Variants in AGR3 observed in about 807,000 individuals in gnomAD.
The protein encoded by AGR3 is anterior gradient protein 3.
AGR3 carries 37 observed loss-of-function variants against 24.5 expected under a neutral mutation model. The ratio of observed to expected loss-of-function variants is 1.51; its 90% CI spans 1.16 to 1.99. AGR3 has a LOEUF of 1.99. Among genes scored for constraint, AGR3 ranks in the 30% most tolerant of loss-of-function variants. AGR3 has a pLI of 0.00. For missense variants in AGR3, 228 were observed against 191.1 expected, an observed-to-expected ratio of 1.19 and a Z score of -1.14; for synonymous variants, 75 against 61.6, an observed-to-expected ratio of 1.22 and a Z score of -1.02.
chr7:16,858,668 C>T (rs1037895718), downstream of AGR3, among the ~76,000 whole-genome samples: 2 of 151,916 alleles, frequency 1.3e-5, no homozygotes, highest in African/African-American at 2.4e-5. Context: ...GTCAGGAGTT[C>T]GAGACCAGCC....
At chr7:16,860,830 G>A (rs1330857158) in intron 6 of AGR3, among the ~76,000 whole-genome samples, 1 of 152,056 alleles carries the variant, frequency 6.6e-6, no homozygotes, top group Non-Finnish European at 1.5e-5. Context: ...AGTTCCTATT[G>A]TCTATTTTTC....
intron 3 of AGR3, among the ~76,000 whole-genome samples, chr7:16,869,797 T>C (rs1781830983): frequency 6.6e-6 from 1 of 151,700 alleles, no homozygotes; most frequent in South Asian, 2.1e-4. Flanking sequence ...TTCTATACTT[T>C]TATTATATTT....
chr7:16,859,278 G>T, downstream of AGR3: 1 of 199,648 alleles, frequency 5.0e-6, no homozygotes, highest in Non-Finnish European at 9.9e-6. Flanking sequence ...ATTAGTTGAT[G>T]GAGTGAAGGA....
intron 3 of AGR3, among the ~76,000 whole-genome samples, chr7:16,871,915 A>G (rs918876004): frequency 6.6e-5 from 10 of 152,196 alleles, no homozygotes; most frequent in African/African-American, 2.4e-4. Flanking sequence ...AAAGATCCCT[A>G]CAAGAAAAAC....
At position 16,873,773 on chromosome 7, in the gene AGR3, A is replaced by G. The variant is rs2115312754; in HGVS notation, c.173+7T>C. The G allele has an allele frequency of 4.4e-6, 7 of 1,602,270 alleles. No homozygotes were observed. Among genetic ancestry groups the G allele is most frequent in the Non-Finnish European group, 6.0e-6 (7 of 1,169,570 alleles). On this transcript the variant is annotated splice_region_variant and intron_variant, in intron 3 of 7. Coordinates refer to ENST00000310398, the MANE Select transcript of AGR3 (RefSeq NM_176813.5). ...AAAGGAAAAAAATGAGCTGAGAAGC[A>G]TGTTACCTTTTTTGAGCATAAAAGA...
Position 16,862,008 on chromosome 7 carries a change from A to G in AGR3, c.279T>C (p.Asn93=). Residue 93 remains asparagine (N), a synonymous_variant, in exon 5 of 8, where the codon AAT becomes AAC. Coordinates refer to ENST00000310398, the MANE Select transcript of AGR3 (RefSeq NM_176813.5). The stretch of plus-strand genomic sequence containing the variant: ...CCATAAGGTTTAGCATGATGAACTT[A>G]TTCTGAGCCATTTCTTGTATTTCTT... ...QNEEIQEMAQ[N]KFIMLNLMHE... 1.2e-6 allele frequency: 2 copies of G among 1,613,278 alleles called. No homozygotes were observed. Among genetic ancestry groups the G allele is most frequent in the Non-Finnish European group, 1.7e-6 (2 of 1,179,502 alleles).
downstream of AGR3, chr7:16,859,264 T>A (rs533694179): frequency 1.1e-5 from 2 of 180,418 alleles, no homozygotes; most frequent in Non-Finnish European, 2.3e-5. Flanking sequence ...AAAAATAAAA[T>A]TAGATTAGTT....
rs759376959 is a variant in AGR3 at position 16,860,500 on chromosome 7, A to G, written c.451T>C (p.Leu151=). The change falls in exon 7 of 8, where the codon TTG becomes CTG. Residue 151 remains leucine (L), a splice_region_variant and synonymous_variant. Transcript: ENST00000310398. ...TTTGAGATCATTTGTGAATACTTAC[A>G]TAGGGGTAAATCCCGAGGCTCATAT... ...YTYEPRDLPL[L]IENMKKALRL... is the part of the protein sequence containing the mutation. The G allele has an allele frequency of 5.0e-6, 8 of 1,608,692 alleles. No individual in the cohort carries two copies. The highest frequency in any genetic ancestry group is 3.3e-5 in the South Asian group (3 of 90,960).
At position 16,861,738 on chromosome 7, in the gene AGR3, T is replaced by A. The variant is rs28609685; in HGVS notation, c.303+246A>T. ...CAACAAGGTGAAACCCTGTCTCTAC[T>A]AAAAATACAAAAATTAGCTGGGCAT... is the stretch of plus-strand genomic sequence containing the variant. On this transcript the variant is annotated intron_variant, in intron 5 of 7. Transcript: ENST00000310398. Among the ~76,000 whole-genome samples the A allele has an allele frequency of 0.2, 29,996 of 150,894 alleles. 3,413 individuals carry two copies. Among genetic ancestry groups the A allele is most frequent in the East Asian group, 0.38 (1,921 of 5,104 alleles).
chr7:16,878,985 T>C (rs1180882215), intron 1 of AGR3, among the ~76,000 whole-genome samples: 6 of 152,228 alleles, frequency 3.9e-5, no homozygotes, highest in Non-Finnish European at 8.8e-5. Flanking sequence ...ATCATGTTGT[T>C]TGATGTCTTG....
intron 3 of AGR3, among the ~76,000 whole-genome samples, chr7:16,868,454 C>T (rs1429412614): frequency 6.6e-6 from 1 of 152,186 alleles, no homozygotes; most frequent in Non-Finnish European, 1.5e-5. Flanking sequence ...GGCGCCCAGC[C>T]TGTATGTCTT....
intron 2 of AGR3, among the ~76,000 whole-genome samples, chr7:16,878,053 C>T (rs964629456): frequency 5.9e-5 from 9 of 151,942 alleles, no homozygotes; most frequent in Non-Finnish European, 1.0e-4. Flanking sequence ...CTTAGTTACC[C>T]CGAATTCTCA....
At chr7:16,865,381 T>G in intron 3 of AGR3, 1 of 1,095,792 alleles carries the variant, frequency 9.1e-7, no homozygotes. Flanking sequence ...TTTCCTCCAT[T>G]CTTGTTAGCC....
intron 3 of AGR3, chr7:16,866,199 G>T (rs1781755046): frequency 3.8e-6 from 2 of 531,192 alleles, no homozygotes; most frequent in African/African-American, 1.9e-5. Flanking sequence ...TAATGATGTG[G>T]CAGTAATAGT....
At position 16,878,523 on chromosome 7, in the gene AGR3, C is replaced by G. The variant is rs1782036319; in HGVS notation, c.96G>C (p.Gln32His). The change falls in exon 2 of 8, where the codon CAG becomes CAC. Residue 32 changes from glutamine to histidine, a missense_variant. Transcript: ENST00000310398. ...IAIKKEKRPPQTLSRGWGDDI... is the reference protein window; with the variant it reads ...IAIKKEKRPPHTLSRGWGDDI... ...AGATTACAGCACCTCTTGAGAGTGT[C>G]TGAGGAGGCCTCTTTTCCTTTTTTA... The G allele has an allele frequency of 1.9e-6, 3 of 1,613,774 alleles. No individual in the cohort carries two copies. Among genetic ancestry groups the G allele is most frequent in the Middle Eastern group, 3.3e-4 (2 of 6,062 alleles).
In AGR3 at chr7:16,881,116, G is replaced by A. The variant is rs116124172; in HGVS notation, c.-28+828C>T. On this transcript the variant is annotated intron_variant, in intron 1 of 7. Coordinates refer to ENST00000310398, the MANE Select transcript of AGR3 (RefSeq NM_176813.5). ...TCTTTAGAAAGATTTTTCTATGTTA[G>A]CTACAGAGACAAGCAGGTGGAATCT... 3.4e-3 allele frequency among the ~76,000 whole-genome samples: 522 copies of A among 152,248 alleles called. 2 individuals carry two copies. The highest frequency in any genetic ancestry group is 0.012 in the African/African-American group (488 of 41,560).
downstream of AGR3, among the ~76,000 whole-genome samples, chr7:16,855,949 C>A (rs1781551291): frequency 6.6e-6 from 1 of 151,622 alleles, no homozygotes; most frequent in Non-Finnish European, 1.5e-5. Flanking sequence ...CTATAATATA[C>A]CTGATTTTCT....
rs1310418557 is a variant in AGR3 at position 16,878,554 on chromosome 7, A to G, written c.65T>C (p.Ile22Thr). 17 of 1,614,050 alleles carry G rather than the reference A, an allele frequency of 1.1e-5. No individual in the cohort carries two copies. The highest frequency in any genetic ancestry group is 1.4e-5 in the Non-Finnish European group (17 of 1,180,018). Residue 22 changes from isoleucine (I) to threonine (T), a missense_variant, in exon 2 of 8, where the codon ATT (isoleucine) becomes ACT (threonine). Ile to Thr is a moderately conservative substitution (Grantham distance 89). Coordinates refer to ENST00000310398, the MANE Select transcript of AGR3 (RefSeq NM_176813.5). ...AGGCCTCTTTTCCTTTTTTATTGCAATGGCAAGGTTGGAAGAAACTGTGAC... is the reference window on the plus strand; with the variant it reads ...AGGCCTCTTTTCCTTTTTTATTGCAGTGGCAAGGTTGGAAGAAACTGTGAC... ...LLVTVSSNLA[I>T]AIKKEKRPPQ...
At chr7:16,857,303 A>G (rs1380850134), downstream of AGR3, among the ~76,000 whole-genome samples, 1 of 152,236 alleles carries the variant, frequency 6.6e-6, no homozygotes, top group Non-Finnish European at 1.5e-5. Flanking sequence ...ATGTATAACA[A>G]CATAGAAATA....
Sources: gnomAD v4.1 joint callset for allele counts (sites outside exome capture counted in the v4.1 genomes callset) on GRCh38, gnomAD v4.1.1 for gene constraint, MANE v1.5 for transcripts, NCBI Gene and HGNC (gene_info 2026-07-23, HGNC 2026-07-21) for gene names.